The following SLC2A12 variants were observed in gnomAD, a reference collection of about 807,000 sequenced individuals.
SLC2A12 encodes the protein solute carrier family 2 member 12, also known as solute carrier family 2, facilitated glucose transporter member 12.
SLC2A12 carries 23 observed loss-of-function variants against 41.8 expected under a neutral mutation model. The ratio of observed to expected loss-of-function variants is 0.55; its 90% CI spans 0.40 to 0.78. The LOEUF (loss-of-function observed/expected upper bound fraction) is 0.78, where lower values mean the gene tolerates loss of function less well. Ranked by LOEUF, SLC2A12 falls within the 30% of genes least tolerant of loss-of-function variation. The pLI, the probability that SLC2A12 is intolerant of heterozygous loss-of-function variation, is 0.00. For synonymous variants in SLC2A12, 295 were observed against 285.9 expected (o/e 1.03, Z -0.32); for missense variants, 654 against 745.6 (o/e 0.88, Z 1.43).
chr6:134,046,464 G>T (rs1777455204), intron 1 of SLC2A12, among the ~76,000 whole-genome samples: 1 of 152,306 alleles, frequency 6.6e-6, no homozygotes, highest in Non-Finnish European at 1.5e-5. Flanking sequence ...CTAGAATGAT[G>T]TAATAAATTA....
chr6:134,046,083 T>C (rs985477212), intron 1 of SLC2A12, among the ~76,000 whole-genome samples: 9 of 152,228 alleles, frequency 5.9e-5, no homozygotes, highest in African/African-American at 1.9e-4. Context: ...ATTTCCCCTG[T>C]TCTTGAAAAA....
At chr6:134,014,334 G>T (rs1011085860) in intron 2 of SLC2A12, among the ~76,000 whole-genome samples, 1 of 152,094 alleles carries the variant, frequency 6.6e-6, no homozygotes, top group African/African-American at 2.4e-5. Flanking sequence ...CTGTGCAGCC[G>T]GGTTCCTAAC....
rs1019972572 is a variant in SLC2A12, at chr6:134,031,130, G to A, written c.104-1409C>T. Reference sequence around the variant, plus strand: ...TTCAGGGCTGGATGTGGTGGCTCACGCCTGTAATCCCAGCACTTTGGGAGG... The same window carrying A: ...TTCAGGGCTGGATGTGGTGGCTCACACCTGTAATCCCAGCACTTTGGGAGG... On this transcript the variant is annotated intron_variant, in intron 1 of 4. Coordinates refer to ENST00000275230, the MANE Select transcript of SLC2A12 (RefSeq NM_145176.3). Among the ~76,000 whole-genome samples the A allele has an allele frequency of 5.3e-5, 8 of 152,164 alleles. No individual in the cohort carries two copies. In the East Asian group the frequency reaches 1.2e-3, roughly 22 times the overall value.
chr6:134,004,642 T>C (rs1020627482), intron 3 of SLC2A12, among the ~76,000 whole-genome samples: 2 of 152,164 alleles, frequency 1.3e-5, no homozygotes, highest in Non-Finnish European at 2.9e-5. Context: ...ATATATGAAA[T>C]AAAGAGAAAC....
intron 2 of SLC2A12, among the ~76,000 whole-genome samples, chr6:134,016,088 T>C (rs1357625747): frequency 6.6e-6 from 1 of 152,156 alleles, no homozygotes; most frequent in African/African-American, 2.4e-5. Flanking sequence ...CTCTCACATT[T>C]CTTCATGTCT....
At chr6:133,996,448 T>A (rs1370628236) in intron 4 of SLC2A12, among the ~76,000 whole-genome samples, 3 of 152,224 alleles carry the variant, frequency 2.0e-5, no homozygotes, top group Admixed American at 1.3e-4. Context: ...CTCAGCTGAG[T>A]CACTGTTTAT....
intron 1 of SLC2A12, among the ~76,000 whole-genome samples, chr6:134,049,972 A>G (rs990753698): frequency 4.6e-5 from 7 of 152,220 alleles, no homozygotes; most frequent in Non-Finnish European, 1.0e-4. Context: ...TCAAATGCAG[A>G]CATATTGTGA....
At chr6:134,004,415 T>TC (rs2114429573) in intron 3 of SLC2A12, among the ~76,000 whole-genome samples, 1 of 152,352 alleles carries the variant, frequency 6.6e-6, no homozygotes, top group South Asian at 2.1e-4. Flanking sequence ...AAGGTTAATT[T>TC]CCAAAAGTGG....
At chr6:134,032,681 T>C (rs1355907173) in intron 1 of SLC2A12, among the ~76,000 whole-genome samples, 2 of 137,682 alleles carry the variant, frequency 1.5e-5, no homozygotes, top group African/African-American at 5.2e-5. Context: ...ATCCTCAGCC[T>C]GTCCATTCGG....
At chr6:134,011,765 G>A (rs917045644) in intron 2 of SLC2A12, among the ~76,000 whole-genome samples, 2 of 151,960 alleles carry the variant, frequency 1.3e-5, no homozygotes, top group African/African-American at 4.8e-5. Flanking sequence ...AAATAGGCCA[G>A]GGGCAGTGGC....
chr6:134,029,425 T>A lies in SLC2A12; in HGVS notation c.400A>T (p.Ile134Leu). The change falls in exon 2 of 5, where the codon ATA becomes TTA. Residue 134 changes from isoleucine (I) to leucine (L), a missense_variant. This residue lies in a region of SLC2A12 where 411 missense variants were observed against 412.1 expected (regional missense o/e 1.00). Coordinates refer to ENST00000275230, the MANE Select transcript of SLC2A12 (RefSeq NM_145176.3). ...LILSLSYTVL[I>L]VGRIAIGVSI... is the part of the protein sequence containing the mutation. ...ACCCCTATGGCAATGCGTCCCACTATAAGAACCGTGTAGGATAAACTGAGG... is the reference window on the plus strand; with the variant it reads ...ACCCCTATGGCAATGCGTCCCACTAAAAGAACCGTGTAGGATAAACTGAGG... 1.2e-6 allele frequency: 2 copies of A among 1,614,060 alleles called. No homozygotes were observed. Among genetic ancestry groups the A allele is most frequent in the Non-Finnish European group, 1.7e-6 (2 of 1,180,016 alleles).
intron 1 of SLC2A12, among the ~76,000 whole-genome samples, chr6:134,037,144 ATTTTTTTTTTTTT>A (rs533155835): frequency 6.0e-5 from 5 of 83,310 alleles, no homozygotes; most frequent in East Asian, 3.1e-4. Context: ...ACTCGATTCA[ATTTTTTTTTTTTT>A]TTTTTTTTTT....
At chr6:134,033,675 A>G (rs1264278129) in intron 1 of SLC2A12, among the ~76,000 whole-genome samples, 3 of 152,144 alleles carry the variant, frequency 2.0e-5, no homozygotes, top group Non-Finnish European at 4.4e-5. Flanking sequence ...CAGGGGAATC[A>G]ATGCCATAAC....
Position 134,028,901 on chromosome 6 carries a change from A to T in SLC2A12, c.924T>A (p.Val308=), listed in dbSNP as rs1316608384. The T allele has an allele frequency of 1.1e-5, 18 of 1,614,104 alleles. No individual in the cohort carries two copies. Among genetic ancestry groups the T allele is most frequent in the Non-Finnish European group, 1.5e-5 (18 of 1,180,046 alleles). The stretch of plus-strand genomic sequence containing the variant: ...TAGCTGCCTCATTGCTTTGAAATCC[A>T]ACTGACTTCAAAACAGTTGATGCAT... ...LFYASTVLKS[V]GFQSNEAASL... is the part of the protein sequence containing the mutation. The change falls in exon 2 of 5, where the codon GTT becomes GTA. Residue 308 remains valine (V), a synonymous_variant. Transcript: ENST00000275230.
intron 3 of SLC2A12, among the ~76,000 whole-genome samples, chr6:134,005,956 C>G (rs229916): frequency 0.45 from 67,623 of 151,288 alleles, 15,203 homozygotes; most frequent in South Asian, 0.51. Context: ...GGATCACTTG[C>G]GGTCAGGAGT....
chr6:134,037,989 G>A (rs1341895390), intron 1 of SLC2A12, among the ~76,000 whole-genome samples: 1 of 152,112 alleles, frequency 6.6e-6, no homozygotes, highest in Non-Finnish European at 1.5e-5. Context: ...CTGGGTACAA[G>A]GCTTATCTAG....
chr6:134,003,789 A>G (rs542296331), intron 3 of SLC2A12, among the ~76,000 whole-genome samples: 1 of 152,324 alleles, frequency 6.6e-6, no homozygotes, highest in African/African-American at 2.4e-5. Context: ...TCAGAGCTGA[A>G]TGCAATGCTA....
intron 2 of SLC2A12, among the ~76,000 whole-genome samples, chr6:134,026,152 T>C (rs1255573590): frequency 6.6e-6 from 1 of 152,212 alleles, no homozygotes; most frequent in Non-Finnish European, 1.5e-5. Context: ...CCTTCCTTTT[T>C]TTGTGGCTTT....
chr6:134,001,222 T>A (rs1267462256), intron 4 of SLC2A12, among the ~76,000 whole-genome samples: 2 of 152,092 alleles, frequency 1.3e-5, no homozygotes, highest in Admixed American at 6.6e-5. Context: ...ACTGCTCCGG[T>A]GATGGGTGCA....
Sources: allele counts gnomAD v4.1 joint callset (sites outside exome capture counted in the v4.1 genomes callset), GRCh38; gene constraint gnomAD v4.1.1; regional missense constraint gnomAD v4.1.1; transcripts MANE v1.5; gene names NCBI Gene and HGNC (gene_info 2026-07-23, HGNC 2026-07-21).